ADGRL2: variants seen among roughly 807,000 people sequenced by gnomAD.
The protein encoded by ADGRL2 is adhesion G protein-coupled receptor L2, also known as calcium-independent alpha-latrotoxin receptor 2.
In ADGRL2, 44 loss-of-function variants were observed where a neutral mutation model predicts 157.4. The ratio of observed to expected loss-of-function variants is 0.28; its 90% confidence interval spans 0.22 to 0.36. ADGRL2 has a LOEUF of 0.36. Ranked by LOEUF, ADGRL2 falls within the 10% of genes least tolerant of loss-of-function variation. ADGRL2 has a pLI of 1.00. For missense variants in ADGRL2, 1,510 were observed against 1,768.9 expected (o/e 0.85, Z 2.63); for synonymous variants, 585 against 624.7 (o/e 0.94, Z 0.95).
At chr1:81,599,694 G>T (rs2081300736) in intron 3 of ADGRL2, among the ~76,000 whole-genome samples, 1 of 152,054 alleles carries the variant, frequency 6.6e-6, no homozygotes, top group Non-Finnish European at 1.5e-5. Context: ...ATCATCTATT[G>T]TTAACTGCAC....
intron 3 of ADGRL2, among the ~76,000 whole-genome samples, chr1:81,686,014 G>T (rs562157396): frequency 3.2e-4 from 48 of 152,136 alleles, no homozygotes; most frequent in Non-Finnish European, 5.7e-4. Context: ...TTATCTTTTT[G>T]ATATGTTGTT....
intron 2 of ADGRL2, among the ~76,000 whole-genome samples, chr1:81,569,071 A>C (rs1002754432): frequency 5.3e-5 from 8 of 152,166 alleles, no homozygotes; most frequent in Non-Finnish European, 1.2e-4. Flanking sequence ...TCCCTACCTC[A>C]ACCCCTGCCC....
intron 3 of ADGRL2, among the ~76,000 whole-genome samples, chr1:81,591,818 G>T (rs981880017): frequency 6.6e-6 from 1 of 152,170 alleles, no homozygotes; most frequent in African/African-American, 2.4e-5. Context: ...TAGTTGACAA[G>T]GAGCTGAATC....
intron 3 of ADGRL2, among the ~76,000 whole-genome samples, chr1:81,915,773 A>T (rs2148499660): frequency 6.6e-6 from 1 of 152,314 alleles, no homozygotes; most frequent in African/African-American, 2.4e-5. Context: ...AAGCGGAGAG[A>T]TGAAGAAATA....
chr1:81,393,378 T>C (rs2076594888), intron 1 of ADGRL2, among the ~76,000 whole-genome samples: 1 of 150,930 alleles, frequency 6.6e-6, no homozygotes, highest in South Asian at 2.1e-4. Context: ...AAAAGCATTG[T>C]ACATATGTAG....
At chr1:81,729,484 T>C (rs533537457) in intron 1 of ADGRL2, among the ~76,000 whole-genome samples, 1 of 152,324 alleles carries the variant, frequency 6.6e-6, no homozygotes, top group African/African-American at 2.4e-5. Context: ...ATGCCACATT[T>C]CAAGCATTTT....
At chr1:81,455,095 C>T (rs902374180) in intron 2 of ADGRL2, among the ~76,000 whole-genome samples, 1 of 152,184 alleles carries the variant, frequency 6.6e-6, no homozygotes, top group African/African-American at 2.4e-5. Flanking sequence ...GAAACCTAAC[C>T]AAGAGAGAAG....
intron 1 of ADGRL2, among the ~76,000 whole-genome samples, chr1:81,388,848 G>A (rs1367372761): frequency 6.6e-6 from 1 of 152,152 alleles, no homozygotes; most frequent in Non-Finnish European, 1.5e-5. Context: ...GTAAGCAGAG[G>A]ATAGAAGAGT....
intron 3 of ADGRL2, among the ~76,000 whole-genome samples, chr1:81,581,640 G>T (rs1330766952): frequency 1.3e-5 from 2 of 152,034 alleles, no homozygotes; most frequent in Non-Finnish European, 2.9e-5. Flanking sequence ...ACAAATGTGT[G>T]TGTTTCTGAG....
At chr1:81,803,342 T>C (rs2149511649) in intron 1 of ADGRL2, among the ~76,000 whole-genome samples, 1 of 152,108 alleles carries the variant, frequency 6.6e-6, no homozygotes, top group Admixed American at 6.5e-5. Flanking sequence ...CCCGTAAAGT[T>C]TGTTCCTTTC....
At chr1:81,555,234 G>C (rs1204084560) in intron 2 of ADGRL2, among the ~76,000 whole-genome samples, 1 of 151,234 alleles carries the variant, frequency 6.6e-6, no homozygotes, top group Non-Finnish European at 1.5e-5. Flanking sequence ...CACCCAGTGA[G>C]AGCCAAATAA....
intron 1 of ADGRL2, among the ~76,000 whole-genome samples, chr1:81,824,108 C>T (rs10518664): frequency 0.14 from 21,342 of 152,016 alleles, 1,658 homozygotes; most frequent in East Asian, 0.19. Context: ...CGTGACATTA[C>T]TTGTGCATTT....
intron 2 of ADGRL2, among the ~76,000 whole-genome samples, chr1:81,575,923 C>G (rs2080789892): frequency 6.6e-6 from 1 of 152,058 alleles, no homozygotes; most frequent in African/African-American, 2.4e-5. Context: ...CCCATGTACC[C>G]ACTACTTCAC....
At chr1:81,517,307 C>A (rs917934252) in intron 2 of ADGRL2, among the ~76,000 whole-genome samples, 3 of 151,632 alleles carry the variant, frequency 2.0e-5, no homozygotes, top group African/African-American at 7.3e-5. Context: ...CCCATCTCTA[C>A]TAAAAATACA....
intron 1 of ADGRL2, among the ~76,000 whole-genome samples, chr1:81,325,006 C>T (rs898238428): frequency 2.0e-5 from 3 of 152,076 alleles, no homozygotes; most frequent in Admixed American, 6.5e-5. Context: ...CATGAGCCAC[C>T]AGGCCCAGCC....
chr1:81,660,152 C>T (rs933578586), intron 3 of ADGRL2, among the ~76,000 whole-genome samples: 1 of 152,090 alleles, frequency 6.6e-6, no homozygotes. Flanking sequence ...TAAATATGCC[C>T]ATTTAAAGCT....
rs1306846325 is a variant in ADGRL2 at position 81,776,077 on chromosome 1, A to G, written c.-101+14225A>G. Among the ~76,000 whole-genome samples, 7 of 152,286 alleles carry G rather than the reference A, an allele frequency of 4.6e-5. No individual in the cohort carries two copies. In the East Asian group the frequency reaches 1.4e-3, roughly 29 times the overall value. ...TCAGTGCTTCCAAATTTGGGTTAGCATCATCAGGAATGGGAAGCTCACTAC... is the reference window on the plus strand; with the variant it reads ...TCAGTGCTTCCAAATTTGGGTTAGCGTCATCAGGAATGGGAAGCTCACTAC... On this transcript the variant is annotated intron_variant, in intron 2 of 20. Coordinates refer to the ADGRL2 transcript ENST00000359929.
At chr1:81,734,757 G>T (rs2084840874) in intron 1 of ADGRL2, among the ~76,000 whole-genome samples, 1 of 149,278 alleles carries the variant, frequency 6.7e-6, no homozygotes, top group Non-Finnish European at 1.5e-5. Context: ...AGTTGGCCAG[G>T]CCATGGTGGC....
chr1:81,853,017 C>G (rs1259921417), intron 2 of ADGRL2, among the ~76,000 whole-genome samples: 1 of 152,034 alleles, frequency 6.6e-6, no homozygotes. Context: ...AGCGAAGAGG[C>G]AGAGGCAGCT....
Sources: allele counts gnomAD v4.1 joint callset (sites outside exome capture counted in the v4.1 genomes callset), GRCh38; gene constraint gnomAD v4.1.1; transcripts MANE v1.5; gene names NCBI Gene and HGNC (gene_info 2026-07-23, HGNC 2026-07-21).